The following PLA2G5 variants were observed in gnomAD, a reference collection of about 807,000 sequenced individuals.
PLA2G5 encodes the protein Ca2+-dependent phospholipase A2.
In PLA2G5, 12 loss-of-function variants were observed where a neutral mutation model predicts 15.9. That is an observed-to-expected ratio of 0.76 (90% CI 0.48 to 1.23). PLA2G5 has a LOEUF of 1.23. Among genes scored for constraint, PLA2G5 ranks in the 50% most tolerant of loss-of-function variants. PLA2G5 has a pLI of 0.00. For synonymous variants in PLA2G5, 71 were observed against 71.4 expected (o/e 0.99, Z 0.03); for missense variants, 169 against 177.1 (o/e 0.95, Z 0.26).
upstream of PLA2G5, chr1:20,069,058 C>A: frequency 1.7e-6 from 1 of 576,568 alleles, no homozygotes; most frequent in Non-Finnish European, 3.0e-6. Context: ...CTCAGTTGCA[C>A]CAACAGCTAG....
At position 20,029,354 on chromosome 1, in the gene PLA2G5, C is replaced by CCTCCGCTGACATGTTT. The variant is rs1553170090; in HGVS notation, n.276+660_276+661insTCTCCGCTGACATGTT. Among the ~76,000 whole-genome samples the CCTCCGCTGACATGTTT allele has an allele frequency of 2.7e-5, 4 of 148,774 alleles. No individual in the cohort carries two copies. The East Asian group carries it at 7.8e-4, about 29-fold the overall frequency. The stretch of plus-strand genomic sequence containing the variant: ...CCGTGTGTTCCTCCCCTGATACGTT[C>CCTCCGCTGACATGTTT]CTCCGCTGACATGTTCCTCCGCTGA... On this transcript the variant is annotated intron_variant and non_coding_transcript_variant, in intron 1 of 6. Coordinates refer to the PLA2G5 transcript ENST00000460175.
chr1:20,055,133 A>G (rs1427882959), intron 1 of PLA2G5, among the ~76,000 whole-genome samples: 1 of 152,214 alleles, frequency 6.6e-6, no homozygotes, highest in Non-Finnish European at 1.5e-5. Flanking sequence ...AGCAAAACAA[A>G]AACAGTCCCT....
rs116695840 is a variant in PLA2G5, at chr1:20,063,115, C to T, written n.337+3423C>T. ...GGAGGGTGAGGTGGGAGGATGGGAG[C>T]CCGGGAGTTCAAGGCTGCAGTGAGC... On this transcript the variant is annotated intron_variant and non_coding_transcript_variant, in intron 2 of 6. Transcript: ENST00000460175. Among the ~76,000 whole-genome samples the T allele has an allele frequency of 9.7e-4, 148 of 152,082 alleles. 2 individuals are homozygous for T. Among genetic ancestry groups the T allele is most frequent in the African/African-American group, 3.5e-3 (147 of 41,480 alleles).
At position 20,046,646 on chromosome 1, in the gene PLA2G5, G is replaced by A. The variant is rs562917835; in HGVS notation, n.277-12986G>A. Among the ~76,000 whole-genome samples the A allele has an allele frequency of 1.9e-4, 29 of 152,170 alleles. No individual in the cohort carries two copies. In the South Asian group the frequency reaches 3.7e-3, roughly 20 times the overall value. On this transcript the variant is annotated intron_variant and non_coding_transcript_variant, in intron 1 of 6. Coordinates refer to the PLA2G5 transcript ENST00000460175. ...GAGAGTCATGGGCAGATTCTTCTTA[G>A]GTCTAAAGCTCTGTTTTCCTGTATT...
intron 1 of PLA2G5, among the ~76,000 whole-genome samples, chr1:20,050,353 T>A (rs2014123574): frequency 6.6e-6 from 1 of 152,118 alleles, no homozygotes; most frequent in African/African-American, 2.4e-5. Flanking sequence ...AAATTAAAGC[T>A]AATCAACTCC....
chr1:20,030,757 G>A (rs1326165893), intron 1 of PLA2G5, among the ~76,000 whole-genome samples: 1 of 152,118 alleles, frequency 6.6e-6, no homozygotes, highest in Non-Finnish European at 1.5e-5. Context: ...CTCGAAACTA[G>A]AGAATGGTGA....
At chr1:20,050,641 T>G (rs2014135846) in intron 1 of PLA2G5, among the ~76,000 whole-genome samples, 1 of 152,216 alleles carries the variant, frequency 6.6e-6, no homozygotes, top group African/African-American at 2.4e-5. Context: ...TTAATTGGCT[T>G]CATGCTGTTT....
At chr1:20,074,801 G>A (rs909496640) in intron 1 of PLA2G5, among the ~76,000 whole-genome samples, 6 of 152,206 alleles carry the variant, frequency 3.9e-5, no homozygotes, top group African/African-American at 7.2e-5. Context: ...TGTTGGTTCC[G>A]CAATCTGGAG....
At chr1:20,050,769 A>C (rs1023004075) in intron 1 of PLA2G5, among the ~76,000 whole-genome samples, 5 of 152,150 alleles carry the variant, frequency 3.3e-5, no homozygotes, top group Non-Finnish European at 7.4e-5. Context: ...TTATTTTACA[A>C]TGACTTCTGA....
chr1:20,056,281 C>T (rs1287253967), intron 1 of PLA2G5, among the ~76,000 whole-genome samples: 1 of 151,828 alleles, frequency 6.6e-6, no homozygotes, highest in Non-Finnish European at 1.5e-5. Flanking sequence ...TGGCAGTCTT[C>T]CCAATGTCCC....
At chr1:20,052,908 ATCTG>A (rs1230884832) in intron 1 of PLA2G5, among the ~76,000 whole-genome samples, 1 of 152,036 alleles carries the variant, frequency 6.6e-6, no homozygotes, top group Non-Finnish European at 1.5e-5. Flanking sequence ...GAATGCCACC[ATCTG>A]TCTGTTATCT....
chr1:20,046,337 G>A (rs577911676), intron 1 of PLA2G5, among the ~76,000 whole-genome samples: 4 of 152,186 alleles, frequency 2.6e-5, no homozygotes, highest in Admixed American at 1.3e-4. Flanking sequence ...CAAATTATGG[G>A]TAACAAAGCC....
chr1:20,036,373 T>G (rs894905263), intron 1 of PLA2G5, among the ~76,000 whole-genome samples: 1 of 152,140 alleles, frequency 6.6e-6, no homozygotes, highest in Non-Finnish European at 1.5e-5. Flanking sequence ...ACACCAATTA[T>G]TCATTCTTAG....
intron 1 of PLA2G5, among the ~76,000 whole-genome samples, chr1:20,034,145 T>C (rs1033166246): frequency 1.3e-5 from 2 of 151,876 alleles, no homozygotes; most frequent in Non-Finnish European, 1.5e-5. Context: ...GATGGACAGG[T>C]TAAAGGAGGG....
chr1:20,047,686 G>A (rs2013978258), intron 1 of PLA2G5, among the ~76,000 whole-genome samples: 1 of 151,392 alleles, frequency 6.6e-6, no homozygotes, highest in Non-Finnish European at 1.5e-5. Flanking sequence ...TTATCTCATG[G>A]CTAAAGTTCT....
chr1:20,086,686 T>C (rs887697579), intron 3 of PLA2G5, among the ~76,000 whole-genome samples: 1 of 152,234 alleles, frequency 6.6e-6, no homozygotes, highest in Non-Finnish European at 1.5e-5. Flanking sequence ...TGGTGACTCT[T>C]GGGTTGCAAG....
At chr1:20,075,868 CTTTTTTTTTTTT>C (rs534879331) in intron 1 of PLA2G5, among the ~76,000 whole-genome samples, 34 of 121,756 alleles carry the variant, frequency 2.8e-4, no homozygotes, top group Middle Eastern at 4.7e-3. Flanking sequence ...ATTTCTTTCT[CTTTTTTTTTTTT>C]TTTTTTTTTG....
At chr1:20,067,991 C>G (rs576948244), upstream of PLA2G5, among the ~76,000 whole-genome samples, 5 of 152,122 alleles carry the variant, frequency 3.3e-5, no homozygotes, top group African/African-American at 1.2e-4. Flanking sequence ...TGGTGACAGG[C>G]CCCCGTAATC....
chr1:20,067,986 A>AC (rs1174447036), upstream of PLA2G5, among the ~76,000 whole-genome samples: 1 of 151,962 alleles, frequency 6.6e-6, no homozygotes, highest in African/African-American at 2.4e-5. Flanking sequence ...AGGCATGGTG[A>AC]CAGGCCCCCG....
Sources: allele counts gnomAD v4.1 joint callset (sites outside exome capture counted in the v4.1 genomes callset), GRCh38; gene constraint gnomAD v4.1.1; transcripts MANE v1.5; gene names NCBI Gene and HGNC (gene_info 2026-07-23, HGNC 2026-07-21).